Variants in GLRA2 observed in about 807,000 individuals in gnomAD.
The protein encoded by GLRA2 is glycine receptor alpha 2.
In GLRA2, 11 loss-of-function variants were observed where a neutral mutation model predicts 31.6. The ratio of observed to expected loss-of-function variants is 0.35; its 90% CI spans 0.22 to 0.58. The LOEUF (loss-of-function observed/expected upper bound fraction) is 0.58, where lower values mean the gene tolerates loss of function less well. Among genes scored for constraint, GLRA2 ranks in the 20% least tolerant of loss-of-function variants. The pLI, the probability that GLRA2 is intolerant of heterozygous loss-of-function variation, is 0.84. For synonymous variants in GLRA2, 132 were observed against 134.0 expected, an observed-to-expected ratio of 0.99 and a Z score of 0.10; for missense variants, 212 against 351.8, an observed-to-expected ratio of 0.60 and a Z score of 3.18.
At chrX:14,464,888 T>C in the GLRA2 span, among the ~76,000 whole-genome samples, 4 of 112,228 alleles carry the variant, frequency 3.6e-5, no homozygotes, top group Non-Finnish European at 7.5e-5. Flanking sequence ...ACCATGTTGT[T>C]TTTGGTTGCT....
At chrX:14,543,356 T>C (rs929493242) in intron 2 of GLRA2, among the ~76,000 whole-genome samples, 1 of 109,926 alleles carries the variant, frequency 9.1e-6, no homozygotes, top group African/African-American at 3.3e-5. Context: ...TATCCTTTTG[T>C]AAATTGTTGA....
chrX:14,720,708 G>T (rs1476091368), intron 8 of GLRA2, among the ~76,000 whole-genome samples: 1 of 111,596 alleles, frequency 9.0e-6, no homozygotes, highest in Non-Finnish European at 1.9e-5. Context: ...TATAAGAAGG[G>T]GCACTTGTTT....
At chrX:14,608,937 G>T in intron 6 of GLRA2, 54 bp from the exon 7 acceptor site, 1 of 582,058 alleles carries the variant, frequency 1.7e-6, no homozygotes, top group Non-Finnish European at 2.9e-6. Context: ...TGGGATAATG[G>T]AATTGGAAAT....
intron 8 of GLRA2, among the ~76,000 whole-genome samples, chrX:14,719,004 C>T (rs771150765): frequency 9.0e-6 from 1 of 111,703 alleles, no homozygotes; most frequent in South Asian, 3.8e-4. Context: ...ATTGTTGTGG[C>T]CATCTTTGAC....
chrX:14,528,629 C>A (rs2089212785), upstream of GLRA2, among the ~76,000 whole-genome samples: 1 of 111,997 alleles, frequency 8.9e-6, no homozygotes, highest in Non-Finnish European at 1.9e-5. Flanking sequence ...GATTTATGAA[C>A]TTCCACTATT....
At chrX:14,480,875 A>G in the GLRA2 span, among the ~76,000 whole-genome samples, 2 of 111,619 alleles carry the variant, frequency 1.8e-5, no homozygotes, top group Non-Finnish European at 3.8e-5. Context: ...GGCTGGCTCC[A>G]TATGAATTTT....
intron 7 of GLRA2, among the ~76,000 whole-genome samples, chrX:14,681,910 A>AATATAT (rs1556060452): frequency 6.8e-4 from 28 of 41,275 alleles, no homozygotes; most frequent in African/African-American, 2.7e-3. Flanking sequence ...AAAAAAAAAA[A>AATATAT]ATATATATAT....
intron 8 of GLRA2, among the ~76,000 whole-genome samples, chrX:14,707,853 AATC>A (rs2091651266): frequency 9.0e-6 from 1 of 111,044 alleles, no homozygotes; most frequent in Admixed American, 9.5e-5. Flanking sequence ...GACAATTAGA[AATC>A]ATATATATTT....
At chrX:14,460,396 T>G in the GLRA2 span, among the ~76,000 whole-genome samples, 1 of 112,045 alleles carries the variant, frequency 8.9e-6, no homozygotes, top group African/African-American at 3.2e-5. Context: ...TAAAATGCGT[T>G]AGGGAGGATT....
intron 7 of GLRA2, among the ~76,000 whole-genome samples, chrX:14,672,238 G>A (rs2091101176): frequency 8.9e-6 from 1 of 112,097 alleles, no homozygotes; most frequent in African/African-American, 3.2e-5. Flanking sequence ...TAGTCATACT[G>A]GATTGATTTC....
In GLRA2 at chrX:14,690,701, C is replaced by A; in HGVS notation, c.931-9C>A. 1 of 1,140,500 alleles carries A rather than the reference C, an allele frequency of 8.8e-7. No individual in the cohort carries two copies. Among genetic ancestry groups the A allele is most frequent in the Non-Finnish European group, 1.2e-6 (1 of 831,880 alleles). 94.0% of individuals were successfully genotyped at this position (1,140,500 alleles called of 1,213,427 possible). On this transcript the variant is annotated splice_polypyrimidine_tract_variant and intron_variant, in intron 7 of 8. Transcript: ENST00000218075. ...TCTGTGTGTGTGTGTGTCTCTCTCT[C>A]TCTCTCAGGTCTCCTATGTAAAAGC...
intron 7 of GLRA2, among the ~76,000 whole-genome samples, chrX:14,642,065 G>T (rs1021135889): frequency 8.1e-5 from 9 of 111,792 alleles, no homozygotes; most frequent in Non-Finnish European, 1.7e-4. Context: ...TAGAAACTTA[G>T]GTTCCACAAG....
chrX:14,450,707 C>T, the GLRA2 span, among the ~76,000 whole-genome samples: 1 of 111,360 alleles, frequency 9.0e-6, no homozygotes, highest in Admixed American at 9.5e-5. Context: ...TTTTAGCATT[C>T]TGTTTTGTTT....
chrX:14,457,383 T>C, the GLRA2 span, among the ~76,000 whole-genome samples: 1 of 107,894 alleles, frequency 9.3e-6, no homozygotes, highest in Non-Finnish European at 1.9e-5. Flanking sequence ...CAGTGAGTGA[T>C]GTTCCCTTCC....
intron 8 of GLRA2, among the ~76,000 whole-genome samples, chrX:14,699,857 CCTCAGCAAA>C (rs765413947): frequency 1.8e-4 from 20 of 111,776 alleles, no homozygotes; most frequent in South Asian, 7.6e-4. Context: ...AGGGCATTAT[CCTCAGCAAA>C]CTAATGTAAG....
intron 1 of GLRA2, 55 bp downstream of exon 1, chrX:14,530,180 C>A: frequency 2.9e-6 from 2 of 701,554 alleles, no homozygotes; most frequent in South Asian, 2.2e-5. Context: ...GAGAATGTGT[C>A]ATGTAATTGT....
chrX:14,574,443 A>G, intron 3 of GLRA2, 43 bp downstream of exon 3: 1 of 1,157,918 alleles, frequency 8.6e-7, no homozygotes, highest in Non-Finnish European at 1.2e-6. Context: ...ACACAACTCA[A>G]TTATGCTGTG....
the GLRA2 span, among the ~76,000 whole-genome samples, chrX:14,463,480 G>C: frequency 8.9e-6 from 1 of 111,860 alleles, no homozygotes; most frequent in Non-Finnish European, 1.9e-5. Flanking sequence ...GAGGCAGTAG[G>C]CCTTGCTGAG....
chrX:14,625,340 T>C (rs6630724), intron 7 of GLRA2, among the ~76,000 whole-genome samples: 6,357 of 111,103 alleles, frequency 0.057, 369 homozygotes, highest in African/African-American at 0.18. Flanking sequence ...GCATTTAGCC[T>C]ATTTACATTT....
Sources: gnomAD v4.1 joint callset for allele counts (sites outside exome capture counted in the v4.1 genomes callset) on GRCh38, gnomAD v4.1.1 for gene constraint, MANE v1.5 for transcripts, NCBI Gene and HGNC (gene_info 2026-07-23, HGNC 2026-07-21) for gene names.